The following GAB3 variants were observed in gnomAD, a reference collection of about 807,000 sequenced individuals.
The protein encoded by GAB3 is GRB2-associated-binding protein 3.
A neutral mutation model predicts 40.4 loss-of-function variants in GAB3; 12 were observed. The observed-to-expected ratio is 0.30, with a 90% CI of 0.19 to 0.48. The LOEUF is 0.48. Among genes scored for constraint, GAB3 ranks in the 20% least tolerant of loss-of-function variants. GAB3 has a pLI of 0.99. For synonymous variants in GAB3, 154 were observed against 176.7 expected, an observed-to-expected ratio of 0.87 and a Z score of 1.02; for missense variants, 381 against 461.9, an observed-to-expected ratio of 0.82 and a Z score of 1.61.
At position 154,677,900 on chromosome X, in the gene GAB3, T is replaced by G. The variant is rs1245662764; in HGVS notation, c.*278A>C. 1 of 296,347 alleles carries G rather than the reference T, an allele frequency of 3.4e-6. No individual in the cohort carries two copies. Among genetic ancestry groups the G allele is most frequent in the Non-Finnish European group, 5.8e-6 (1 of 171,702 alleles). 24.4% of individuals were successfully genotyped at this position (296,347 alleles called of 1,213,427 possible). On this transcript the variant is annotated 3_prime_UTR_variant, in exon 10 of 10. Coordinates refer to ENST00000424127, the MANE Select transcript of GAB3 (RefSeq NM_001081573.3). ...GATAAAATCCTGTTGGTGGCAACACTCACTCCAATCTTTGCTCCAATAGGA... is the reference window on the plus strand; with the variant it reads ...GATAAAATCCTGTTGGTGGCAACACGCACTCCAATCTTTGCTCCAATAGGA...
At chrX:154,686,457 A>G (rs1378187106) in intron 8 of GAB3, among the ~76,000 whole-genome samples, 1 of 108,452 alleles carries the variant, frequency 9.2e-6, no homozygotes, top group East Asian at 2.9e-4. Flanking sequence ...AAAAAATCCC[A>G]AGAAATCTGA....
At chrX:154,713,533 G>C in intron 2 of GAB3, 107 bp from the exon 3 acceptor site, 1 of 600,223 alleles carries the variant, frequency 1.7e-6, no homozygotes, top group Middle Eastern at 5.0e-4. Flanking sequence ...AATCACAGCT[G>C]GTGTTTGTAC....
At chrX:154,717,156 T>C (rs1345383476) in intron 1 of GAB3, among the ~76,000 whole-genome samples, 6 of 111,307 alleles carry the variant, frequency 5.4e-5, no homozygotes, top group African/African-American at 1.3e-4. Context: ...CGGTAATGGA[T>C]GTGAAGTTAA....
chrX:154,712,470 C>A lies in GAB3; in HGVS notation c.828G>T (p.Leu276Phe). ...PPRDHLSSSP[L>F]LESSLSSTIQ... ...TGGTGGAACTTAAGGAACTTTCCAGCAATGGTGAAGAAGACAAGTGGTCCC... is the reference window on the plus strand; with the variant it reads ...TGGTGGAACTTAAGGAACTTTCCAGAAATGGTGAAGAAGACAAGTGGTCCC... The change falls in exon 4 of 10, where the codon TTG (leucine) becomes TTT (phenylalanine). Residue 276 changes from leucine to phenylalanine, a missense_variant. By Grantham distance (22) the Leu-to-Phe change is conservative (BLOSUM62 0). Transcript: ENST00000424127. 8.3e-7 allele frequency: 1 copy of A among 1,210,757 alleles called. No homozygotes were observed. The highest frequency in any genetic ancestry group is 1.1e-6 in the Non-Finnish European group (1 of 894,824).
chrX:154,690,154 C>G (rs1389088642), intron 8 of GAB3, among the ~76,000 whole-genome samples: 14 of 108,401 alleles, frequency 1.3e-4, no homozygotes, highest in African/African-American at 4.3e-4. Context: ...CTGAGAAAAA[C>G]AAGCAATGGG....
chrX:154,707,594 C>A (rs782213314), intron 4 of GAB3, among the ~76,000 whole-genome samples: 1 of 111,791 alleles, frequency 8.9e-6, no homozygotes, highest in South Asian at 3.7e-4. Flanking sequence ...CCACAGCAAA[C>A]CACATTGTAA....
rs1248568734 is a variant in GAB3 at position 154,677,785 on chromosome X, A to G, written c.*393T>C. The G allele has an allele frequency of 2.4e-5, 5 of 209,500 alleles. No individual in the cohort carries two copies. Among genetic ancestry groups the G allele is most frequent in the African/African-American group, 5.8e-5 (2 of 34,321 alleles). 17.3% of individuals were successfully genotyped at this position (209,500 alleles called of 1,213,427 possible). A position where few individuals can be genotyped will look rare whatever the true frequency, so the allele number is the denominator to read the frequency against. On this transcript the variant is annotated 3_prime_UTR_variant, in exon 10 of 10. Transcript: ENST00000424127. ...AACTGTCTTCAGAGGCTGGAACAAGATGGTCTCCAGAGGCCCCTTTGCTAG... is the reference window on the plus strand; with the variant it reads ...AACTGTCTTCAGAGGCTGGAACAAGGTGGTCTCCAGAGGCCCCTTTGCTAG...
intron 1 of GAB3, among the ~76,000 whole-genome samples, chrX:154,748,696 G>T (rs1327495414): frequency 8.9e-6 from 1 of 112,061 alleles, no homozygotes. Context: ...CTGAGTTATT[G>T]TCCTGGTTGT....
At chrX:154,728,539 T>C (rs1381046138) in intron 1 of GAB3, among the ~76,000 whole-genome samples, 1 of 112,335 alleles carries the variant, frequency 8.9e-6, no homozygotes, top group Non-Finnish European at 1.9e-5. Context: ...AAAAAAAATG[T>C]TGCTAAGATC....
upstream of GAB3, among the ~76,000 whole-genome samples, chrX:154,751,243 A>C (rs2071612204): frequency 1.1e-5 from 1 of 90,419 alleles, no homozygotes; most frequent in Admixed American, 1.3e-4. Flanking sequence ...GAAGCCTGGG[A>C]AGCCCCTTCG....
chrX:154,712,189 G>A (rs782360563), intron 4 of GAB3, 40 bp downstream of exon 4: 37 of 1,017,570 alleles, frequency 3.6e-5, no homozygotes, highest in Non-Finnish European at 4.3e-5. Flanking sequence ...AGAGGAGCCC[G>A]GGTTTTCTTG....
At chrX:154,708,826 C>T (rs1033960817) in intron 4 of GAB3, among the ~76,000 whole-genome samples, 45 of 112,073 alleles carry the variant, frequency 4.0e-4, no homozygotes, top group African/African-American at 1.4e-3. Flanking sequence ...AAAAATATAA[C>T]TACCTTATGA....
chrX:154,749,756 C>A (rs918991866), intron 1 of GAB3, among the ~76,000 whole-genome samples: 5 of 112,700 alleles, frequency 4.4e-5, no homozygotes, highest in African/African-American at 1.6e-4. Flanking sequence ...CACTGTCTAG[C>A]CCGATGTGAA....
At chrX:154,746,607 G>A (rs927159673) in intron 1 of GAB3, among the ~76,000 whole-genome samples, 1 of 112,476 alleles carries the variant, frequency 8.9e-6, no homozygotes, top group Non-Finnish European at 1.9e-5. Flanking sequence ...AAAGCCTACA[G>A]CTAACATACT....
intron 1 of GAB3, among the ~76,000 whole-genome samples, chrX:154,740,546 G>C (rs1168694006): frequency 1.8e-5 from 2 of 111,380 alleles, no homozygotes; most frequent in East Asian, 2.8e-4. Flanking sequence ...GCCCATCAGA[G>C]AGTGGAGGTC....
Position 154,712,362 on chromosome X carries a change from G to T in GAB3, c.936C>A (p.Pro312=), listed in dbSNP as rs201539556. 68 of 1,209,903 alleles carry T rather than the reference G, an allele frequency of 5.6e-5. 1 individual carries two copies. The highest frequency in any genetic ancestry group is 2.6e-4 in the Admixed American group (12 of 45,796). The part of the protein sequence containing the change: ...DIMSNTPPPR[P]PKPSHLSERR... ...GTTCAGACAGATGGCTTGGCTTAGG[G>T]GGGCGGGGAGGTGGAGTGTTGGACA... Residue 312 remains proline (P), a synonymous_variant, in exon 4 of 10, where the codon CCC becomes CCA. Transcript: ENST00000424127.
At chrX:154,706,067 A>T (rs1201258544) in intron 4 of GAB3, among the ~76,000 whole-genome samples, 1 of 111,814 alleles carries the variant, frequency 8.9e-6, no homozygotes, top group Non-Finnish European at 1.9e-5. Context: ...AAACTACAAA[A>T]CACTGATAAA....
chrX:154,727,711 C>G (rs374691251), intron 1 of GAB3, among the ~76,000 whole-genome samples: 83 of 112,146 alleles, frequency 7.4e-4, no homozygotes, highest in African/African-American at 2.6e-3. Flanking sequence ...CAGATAGACA[C>G]AGTCTCCAAG....
intron 4 of GAB3, among the ~76,000 whole-genome samples, chrX:154,706,155 C>T (rs1334100678): frequency 9.0e-6 from 1 of 111,522 alleles, no homozygotes; most frequent in African/African-American, 3.3e-5. Context: ...GTGGCTCGCA[C>T]CTGTAATCCT....
Sources: allele counts gnomAD v4.1 joint callset (sites outside exome capture counted in the v4.1 genomes callset), GRCh38; gene constraint gnomAD v4.1.1; transcripts MANE v1.5; gene names NCBI Gene and HGNC (gene_info 2026-07-23, HGNC 2026-07-21).